DSCAM: variants seen among roughly 807,000 people sequenced by gnomAD.
The protein encoded by DSCAM is DS cell adhesion molecule.
DSCAM carries 47 observed loss-of-function variants against 217.7 expected under a neutral mutation model. That is an observed-to-expected ratio of 0.22 (90% CI 0.17 to 0.28). The LOEUF (loss-of-function observed/expected upper bound fraction) is 0.28, where lower values mean the gene tolerates loss of function less well. Ranked by LOEUF, DSCAM falls within the 10% of genes least tolerant of loss-of-function variation. The pLI is 1.00. For synonymous variants in DSCAM, 1,056 were observed against 1,015.3 expected (o/e 1.04, Z -0.76); for missense variants, 2,080 against 2,618.3 (o/e 0.79, Z 4.49).
At chr21:40,092,477 A>G (rs1319211306) in intron 21 of DSCAM, among the ~76,000 whole-genome samples, 1 of 152,336 alleles carries the variant, frequency 6.6e-6, no homozygotes, top group East Asian at 1.9e-4. Context: ...ACTGGAGGAC[A>G]TTGAATTTCC....
intron 3 of DSCAM, among the ~76,000 whole-genome samples, chr21:40,558,212 C>T (rs570189035): frequency 4.0e-5 from 6 of 151,898 alleles, no homozygotes; most frequent in Non-Finnish European, 7.4e-5. Context: ...ATCTAGAGGC[C>T]GAGATGGGCA....
Position 40,715,812 on chromosome 21 carries a change from C to G in DSCAM, c.44-7041G>C, listed in dbSNP as rs142096485. On this transcript the variant is annotated intron_variant, in intron 1 of 32. Coordinates refer to ENST00000400454, the MANE Select transcript of DSCAM (RefSeq NM_001389.5). ...ACCAGGATTCTTTTATTTTTTTTCC[C>G]TACATTATTTTTCTATCAACCCGAC... is the stretch of plus-strand genomic sequence containing the variant. 3.2e-3 allele frequency among the ~76,000 whole-genome samples: 487 copies of G among 152,066 alleles called. 1 individual carries two copies. The highest frequency in any genetic ancestry group is 0.011 in the African/African-American group (465 of 41,494).
Position 40,087,195 on chromosome 21 carries a change from G to T in DSCAM, c.3943C>A (p.Pro1315Thr), listed in dbSNP as rs1360172630. 3 of 1,613,856 alleles carry T rather than the reference G, an allele frequency of 1.9e-6. No individual in the cohort carries two copies. The Admixed American group carries it at 5.0e-5, about 27-fold the overall frequency. The change falls in exon 22 of 33, where the codon CCT becomes ACT. Residue 1315 changes from proline (P) to threonine (T), a missense_variant. Pro to Thr is a conservative substitution (Grantham distance 38, BLOSUM62 -1). Coordinates refer to ENST00000400454, the MANE Select transcript of DSCAM (RefSeq NM_001389.5). Reference protein sequence around the residue: ...LPCKAVGDPSPAVKWMKDSNG... With the variant: ...LPCKAVGDPSTAVKWMKDSNG... ...CTGTCTTTCATCCATTTGACTGCAG[G>T]AGAAGGGTCCCCAACAGCCTTACAA...
At chr21:40,484,024 A>G (rs572630543) in intron 3 of DSCAM, among the ~76,000 whole-genome samples, 1 of 152,216 alleles carries the variant, frequency 6.6e-6, no homozygotes, top group Non-Finnish European at 1.5e-5. Flanking sequence ...TGTTAATTCT[A>G]CGGGGCAGGA....
rs1455469612 is a variant in DSCAM at position 40,012,974 on chromosome 21, G to T, written c.*60C>A. The T allele has an allele frequency of 8.3e-7, 1 of 1,202,532 alleles. No individual in the cohort carries two copies. The highest frequency in any genetic ancestry group is 1.1e-6 in the Non-Finnish European group (1 of 919,246). 74.5% of individuals were successfully genotyped at this position (1,202,532 alleles called of 1,614,324 possible). A position where few individuals can be genotyped will look rare whatever the true frequency, so the allele number is the denominator to read the frequency against. ...AAATATTGGAATTCCGTAAAAAAAA[G>T]GTAGCTTTGATTGAATTGTTTGAAT... On this transcript the variant is annotated 3_prime_UTR_variant, in exon 33 of 33. Coordinates refer to ENST00000400454, the MANE Select transcript of DSCAM (RefSeq NM_001389.5).
intron 1 of DSCAM, among the ~76,000 whole-genome samples, chr21:40,709,633 T>C (rs1326657051): frequency 6.6e-6 from 1 of 152,214 alleles, no homozygotes; most frequent in Non-Finnish European, 1.5e-5. Context: ...AATGATGGTT[T>C]CCAGCTTCAT....
chr21:40,409,946 C>T (rs1233745375), intron 3 of DSCAM, among the ~76,000 whole-genome samples: 1 of 152,012 alleles, frequency 6.6e-6, no homozygotes, highest in Admixed American at 6.6e-5. Context: ...ATCCACTAAA[C>T]AATTACAAAA....
At chr21:40,208,216 G>T (rs1403087921) in intron 11 of DSCAM, among the ~76,000 whole-genome samples, 1 of 152,198 alleles carries the variant, frequency 6.6e-6, no homozygotes, top group East Asian at 1.9e-4. Flanking sequence ...ACTTTGGGAG[G>T]CTGAGGTGGG....
chr21:40,782,004 A>AAAAG (rs1555888307), intron 1 of DSCAM, among the ~76,000 whole-genome samples: 1 of 149,630 alleles, frequency 6.7e-6, no homozygotes, highest in East Asian at 2.0e-4. Flanking sequence ...AAAAAAAAAA[A>AAAAG]AAAAAAGAAA....
At chr21:40,057,577 A>C (rs972084501) in intron 28 of DSCAM, among the ~76,000 whole-genome samples, 1 of 152,200 alleles carries the variant, frequency 6.6e-6, no homozygotes. Context: ...ATAGCGATGA[A>C]CACCAAGTGC....
intron 1 of DSCAM, among the ~76,000 whole-genome samples, chr21:40,710,640 C>T (rs907898143): frequency 1.3e-5 from 2 of 152,048 alleles, no homozygotes; most frequent in Non-Finnish European, 2.9e-5. Context: ...ACACATTTGG[C>T]TTTTTAATTC....
intron 28 of DSCAM, among the ~76,000 whole-genome samples, chr21:40,057,335 A>G (rs1378735952): frequency 6.6e-6 from 1 of 152,198 alleles, no homozygotes; most frequent in Non-Finnish European, 1.5e-5. Flanking sequence ...CAAATAATCA[A>G]ATAAAAGGAG....
At chr21:40,053,452 TCA>T (rs1315933945) in intron 29 of DSCAM, among the ~76,000 whole-genome samples, 3 of 152,176 alleles carry the variant, frequency 2.0e-5, no homozygotes, top group African/African-American at 4.8e-5. Flanking sequence ...ATGGGATATG[TCA>T]CAGTTTCTAG....
intron 1 of DSCAM, among the ~76,000 whole-genome samples, chr21:40,825,266 T>TTTCTTTCTTTCC (rs1555892730): frequency 7.1e-6 from 1 of 139,952 alleles, no homozygotes; most frequent in Non-Finnish European, 1.5e-5. Context: ...ATTTTCTTTC[T>TTTCTTTCTTTCC]TTCCTTCCTT....
chr21:40,716,196 A>G (rs766926888), intron 1 of DSCAM, among the ~76,000 whole-genome samples: 1 of 152,302 alleles, frequency 6.6e-6, no homozygotes, highest in South Asian at 2.1e-4. Context: ...TCTCTAAGAG[A>G]CACATCATAT....
chr21:40,073,162 A>C (rs2089320044), intron 27 of DSCAM, among the ~76,000 whole-genome samples: 1 of 152,228 alleles, frequency 6.6e-6, no homozygotes, highest in Non-Finnish European at 1.5e-5. Flanking sequence ...TGGGGTGCTC[A>C]AGTTCGAAGG....
intron 11 of DSCAM, among the ~76,000 whole-genome samples, chr21:40,264,735 C>G (rs73369821): frequency 6.6e-6 from 1 of 152,060 alleles, no homozygotes. Context: ...AATCAAGGGC[C>G]TCCAAATAGG....
rs1194037057 is a variant in DSCAM at position 40,042,377 on chromosome 21, G to T, written c.5680C>A (p.Arg1894=). The T allele has an allele frequency of 6.2e-7, 1 of 1,613,242 alleles. No homozygotes were observed. Among genetic ancestry groups the T allele is most frequent in the Non-Finnish European group, 8.5e-7 (1 of 1,179,432 alleles). Residue 1894 remains arginine, a synonymous_variant, in exon 32 of 33, where the codon CGG becomes AGG. Transcript: ENST00000400454. The part of the protein sequence containing the change: ...VMNMAVPKAH[R]PGDLIHLPPY... ...GGTGGCCTTGCTCACCTACCTGGCC[G>T]ATGTGCCTTTGGAACTGCCATATTC...
At chr21:40,102,852 CT>C (rs771499454) in intron 20 of DSCAM, among the ~76,000 whole-genome samples, 2 of 152,176 alleles carry the variant, frequency 1.3e-5, no homozygotes, top group African/African-American at 2.4e-5. Flanking sequence ...CTTTCATAGC[CT>C]TTGCCTTTAT....
Sources: allele counts gnomAD v4.1 joint callset (sites outside exome capture counted in the v4.1 genomes callset), GRCh38; gene constraint gnomAD v4.1.1; transcripts MANE v1.5; gene names NCBI Gene and HGNC (gene_info 2026-07-23, HGNC 2026-07-21).